The following COX11 variants were observed in gnomAD, a reference collection of about 807,000 sequenced individuals.
The protein encoded by COX11 is cytochrome c oxidase assembly protein COX11, mitochondrial.
In COX11, 18 loss-of-function variants were observed where a neutral mutation model predicts 29.4. That is an observed-to-expected ratio of 0.61 (90% CI 0.42 to 0.91). COX11 has a LOEUF of 0.91. Ranked by LOEUF, COX11 falls within the 40% of genes least tolerant of loss-of-function variation. The probability of loss-of-function intolerance (pLI) is 0.00; values close to 1 mark genes in which losing one functional copy is unlikely to be tolerated. For missense variants in COX11, 312 were observed against 346.0 expected (o/e 0.90, Z 0.78); for synonymous variants, 131 against 124.0 (o/e 1.06, Z -0.38).
At position 54,961,323 on chromosome 17, in the gene COX11, A is replaced by G. The variant is rs1178540062; in HGVS notation, c.*1410T>C. On this transcript the variant is annotated 3_prime_UTR_variant, in exon 4 of 4. Coordinates refer to ENST00000299335, the MANE Select transcript of COX11 (RefSeq NM_004375.5). ...GTGCAGCTTTGAAGCCTGGAAGACA[A>G]TACCTACCAACATGTCAAAGCCATG... The G allele has an allele frequency of 8.4e-6, 13 of 1,551,460 alleles. No individual in the cohort carries two copies. The highest frequency in any genetic ancestry group is 2.7e-5 in the African/African-American group (2 of 73,058).
chr17:54,955,867 G>A (rs747780613), downstream of COX11, among the ~76,000 whole-genome samples: 5 of 152,172 alleles, frequency 3.3e-5, no homozygotes, highest in African/African-American at 9.7e-5. Flanking sequence ...CTAGGCAGCC[G>A]CTTCTACTCT....
intron 1 of COX11, among the ~76,000 whole-genome samples, chr17:54,965,664 T>C (rs1050628567): frequency 4.6e-5 from 7 of 151,936 alleles, no homozygotes; most frequent in Non-Finnish European, 1.0e-4. Flanking sequence ...CCGTCTCTAT[T>C]AAAAATAGAA....
rs1362962056 is a variant in COX11 at position 54,968,306 on chromosome 17, A to C, written c.341T>G (p.Val114Gly). Residue 114 changes from valine (V) to glycine (G), a missense_variant, in exon 1 of 4, where the codon GTA becomes GGA. Val to Gly is a moderately radical substitution (Grantham distance 109). Around this residue, in one of 2 missense-constraint regions of COX11, gnomAD observed 182 missense variants for 240.0 expected, o/e 0.76. Coordinates refer to ENST00000299335, the MANE Select transcript of COX11 (RefSeq NM_004375.5). The stretch of plus-strand genomic sequence containing the variant: ...CTGGCAATAGAGCCGATAAAGGGGT[A>C]CGGCAGCGTAGGACGCCCCCAGCAT... The part of the protein sequence containing the change: ...VGMLGASYAA[V>G]PLYRLYCQTT... The C allele has an allele frequency of 1.2e-6, 2 of 1,612,632 alleles. No homozygotes were observed. Among genetic ancestry groups the C allele is most frequent in the Non-Finnish European group, 1.7e-6 (2 of 1,179,850 alleles).
chr17:54,962,478 C>A lies in COX11; in HGVS notation c.*255G>T. On this transcript the variant is annotated 3_prime_UTR_variant, in exon 4 of 4. Transcript: ENST00000299335. ...ATGCCTGCATATTTAAAAAACAAAG[C>A]GGCTTATTTTAATAGTATCAAACTC... The A allele has an allele frequency of 3.7e-6, 4 of 1,083,148 alleles. No homozygotes were observed. Among genetic ancestry groups the A allele is most frequent in the Non-Finnish European group, 4.5e-6 (4 of 895,194 alleles). 67.1% of individuals were successfully genotyped at this position (1,083,148 alleles called of 1,614,324 possible). A position where few individuals can be genotyped will look rare whatever the true frequency, so the allele number is the denominator to read the frequency against.
In COX11 at chr17:54,962,710, G is replaced by A. The variant is rs776273943; in HGVS notation, c.*23C>T. 1.2e-6 allele frequency: 2 copies of A among 1,602,120 alleles called. No homozygotes were observed. Among genetic ancestry groups the A allele is most frequent in the Non-Finnish European group, 1.7e-6 (2 of 1,176,748 alleles). ...TGATTTTCCCAAAAATCACAACTTT[G>A]AAGGAAGACTTAGTTGCTGACTTCA... On this transcript the variant is annotated 3_prime_UTR_variant, in exon 4 of 4. Coordinates refer to ENST00000299335, the MANE Select transcript of COX11 (RefSeq NM_004375.5).
exon 1 of COX11, chr17:54,954,797 C>T (rs1178910414): frequency 3.3e-5 from 5 of 152,222 alleles, no homozygotes; most frequent in African/African-American, 1.2e-4. Context: ...TTCTGCATTT[C>T]ATCTGCAAGG....
At chr17:54,966,515 G>A (rs545683144) in intron 1 of COX11, among the ~76,000 whole-genome samples, 1 of 152,256 alleles carries the variant, frequency 6.6e-6, no homozygotes, top group East Asian at 1.9e-4. Context: ...GCAGTGCTTT[G>A]TTGGTTATTT....
rs2077152173 is a variant in COX11, at chr17:54,962,765, C to G, written c.799G>C (p.Gly267Arg). 6 of 1,612,150 alleles carry G rather than the reference C, an allele frequency of 3.7e-6. No homozygotes were observed. The highest frequency in any genetic ancestry group is 5.1e-6 in the Non-Finnish European group (6 of 1,179,182). The change falls in exon 4 of 4, where the codon GGG (glycine) becomes CGG (arginine). Residue 267 changes from glycine to arginine, a missense_variant. Transcript: ENST00000299335. ...LSYTFFEAKE[G>R]HKLPVPGYN Reference sequence around the variant, plus strand: ...TATCCTGGAACTGGCAACTTGTGCCCTTCCTTTGCTTCAAAAAAAGTGTAA... The same window carrying G: ...TATCCTGGAACTGGCAACTTGTGCCGTTCCTTTGCTTCAAAAAAAGTGTAA...
intron 2 of COX11, 73 bp from the exon 3 acceptor site, chr17:54,963,504 C>A (rs1450742696): frequency 6.8e-7 from 1 of 1,466,200 alleles, no homozygotes; most frequent in Non-Finnish European, 9.2e-7. Context: ...CTAAATTAGT[C>A]TCATTATTTT....
Position 54,961,029 on chromosome 17 carries a change from C to A in COX11, c.*1704G>T. The A allele has an allele frequency of 1.7e-6, 1 of 584,852 alleles. No homozygotes were observed. Among genetic ancestry groups the A allele is most frequent in the South Asian group, 2.1e-5 (1 of 47,224 alleles). 36.2% of individuals were successfully genotyped at this position (584,852 alleles called of 1,614,324 possible). The stretch of plus-strand genomic sequence containing the variant: ...TTCCTATTTTCAGCACTACTAATCC[C>A]ATGTATTTACTATTTAATGGTCACC... On this transcript the variant is annotated 3_prime_UTR_variant, in exon 4 of 4. Transcript: ENST00000299335.
At chr17:54,967,571 C>T (rs2077264881) in intron 1 of COX11, among the ~76,000 whole-genome samples, 1 of 151,992 alleles carries the variant, frequency 6.6e-6, no homozygotes, top group South Asian at 2.1e-4. Context: ...AGTGCTGGTC[C>T]CACTCCCCTT....
At chr17:54,959,605 C>T (rs1000861730), downstream of COX11, 1 of 149,482 alleles carries the variant, frequency 6.7e-6, no homozygotes, top group Non-Finnish European at 1.5e-5. Flanking sequence ...TTTAAATAAG[C>T]TGGAAGATTA....
At chr17:54,967,084 A>G in intron 1 of COX11, among the ~76,000 whole-genome samples, 1 of 151,532 alleles carries the variant, frequency 6.6e-6, no homozygotes. Flanking sequence ...GGAAAGAGTG[A>G]ACTCCAGCTA....
At chr17:54,958,978 C>T (rs1359176955), downstream of COX11, among the ~76,000 whole-genome samples, 1 of 151,956 alleles carries the variant, frequency 6.6e-6, no homozygotes, top group Non-Finnish European at 1.5e-5. Context: ...AAATAATGGA[C>T]AATACAAATG....
Position 54,963,443 on chromosome 17 carries a change from AAT to A in COX11, c.523-14_523-13del. 2 of 1,599,004 alleles carry A rather than the reference AAT, an allele frequency of 1.3e-6. No homozygotes were observed. Among genetic ancestry groups the A allele is most frequent in the Non-Finnish European group, 1.7e-6 (2 of 1,175,366 alleles). On this transcript the variant is annotated splice_polypyrimidine_tract_variant and intron_variant, in intron 2 of 3. Coordinates refer to ENST00000299335, the MANE Select transcript of COX11 (RefSeq NM_004375.5). The stretch of plus-strand genomic sequence containing the variant: ...TCTCCTGGCACCACCTGTTTTAAAG[AAT>A]ATATATATTATCAATACTTTGAATC...
At chr17:54,958,523 G>A (rs1300412455), downstream of COX11, 2 of 152,278 alleles carry the variant, frequency 1.3e-5, no homozygotes, top group African/African-American at 4.8e-5. Flanking sequence ...CTGAAGTCAG[G>A]AGTTTGAGAC....
At chr17:54,967,234 A>G (rs1196961201) in intron 1 of COX11, among the ~76,000 whole-genome samples, 1 of 152,322 alleles carries the variant, frequency 6.6e-6, no homozygotes, top group African/African-American at 2.4e-5. Flanking sequence ...GTGGATTTTT[A>G]GAAGCTGTCC....
chr17:54,967,923 T>C (rs2144201299), intron 1 of COX11, among the ~76,000 whole-genome samples: 1 of 150,436 alleles, frequency 6.6e-6, no homozygotes, highest in East Asian at 2.0e-4. Flanking sequence ...AATGTATGAA[T>C]AATACATTTT....
chr17:54,954,032 A>G lies in COX11; in HGVS notation n.1118T>C, dbSNP rs1001055181. On this transcript the variant is annotated non_coding_transcript_exon_variant, in exon 1 of 1. Coordinates refer to the COX11 transcript ENST00000572088. The stretch of plus-strand genomic sequence containing the variant: ...GCTTGCTTCCCTCATACCTCTGAGA[A>G]GCATATTCCTATAATGATGAAGCCA... 2.0e-5 allele frequency: 3 copies of G among 152,174 alleles called. No individual in the cohort carries two copies. The East Asian group carries it at 5.8e-4, about 29-fold the overall frequency. The allele number at this position is 152,174 out of a possible 1,614,324, so 9.4% of individuals were successfully genotyped here.
Sources: allele counts gnomAD v4.1 joint callset (sites outside exome capture counted in the v4.1 genomes callset), GRCh38; gene constraint gnomAD v4.1.1; regional missense constraint gnomAD v4.1.1; transcripts MANE v1.5; gene names NCBI Gene and HGNC (gene_info 2026-07-23, HGNC 2026-07-21).